The following KIF9 variants were observed in gnomAD, a reference collection of about 807,000 sequenced individuals.
KIF9 encodes the protein kinesin family member 9, also known as kinesin-like protein KIF9.
A neutral mutation model predicts 94.8 loss-of-function variants in KIF9; 68 were observed. That is an observed-to-expected ratio of 0.72 (90% CI 0.59 to 0.88). The LOEUF (loss-of-function observed/expected upper bound fraction) is 0.88. Among genes scored for constraint, KIF9 ranks in the 40% least tolerant of loss-of-function variants. KIF9 has a pLI of 0.00. For missense variants in KIF9, 882 were observed against 982.5 expected (o/e 0.90, Z 1.37); for synonymous variants, 343 against 362.1 (o/e 0.95, Z 0.60).
chr3:47,236,703 G>C (rs1319074013), intron 17 of KIF9, 84 bp from the exon 18 acceptor site: 1 of 1,261,690 alleles, frequency 7.9e-7, no homozygotes, highest in African/African-American at 1.5e-5. Flanking sequence ...GGTGGGCACA[G>C]AGCTGGCAAA....
chr3:47,232,446 G>A (rs924984591), intron 20 of KIF9, among the ~76,000 whole-genome samples: 2 of 151,540 alleles, frequency 1.3e-5, no homozygotes, highest in Admixed American at 6.6e-5. Flanking sequence ...CACCACACCC[G>A]GCTAATTTTT....
intron 1 of KIF9, 145 bp downstream of exon 1, chr3:47,282,350 C>T (rs930359325): frequency 7.1e-6 from 7 of 985,882 alleles, no homozygotes; most frequent in Non-Finnish European, 7.2e-6. Context: ...GACGTCGAGC[C>T]CTCCTTCGCC....
intron 16 of KIF9, among the ~76,000 whole-genome samples, chr3:47,242,050 C>T (rs989937651): frequency 2.6e-5 from 4 of 151,488 alleles, no homozygotes; most frequent in East Asian, 1.9e-4. Flanking sequence ...TGCTCAGCTC[C>T]CTTTTAATTT....
chr3:47,282,220 A>C (rs549947683), intron 1 of KIF9: 1 of 985,272 alleles, frequency 1.0e-6, no homozygotes, highest in South Asian at 4.7e-5. Context: ...AGTCCAGACG[A>C]CCTCTGGCTC....
rs751570519 is a variant in KIF9, at chr3:47,275,449, A to T, written c.135T>A (p.Val45=). The part of the protein sequence containing the change: ...IHLKKDIRRG[V]VNNQQTDWSF... ...ACCAGTCTGTCTGTTGGTTATTGAC[A>T]ACTCCTCTCCGAATGTCTTTTTTTA... Residue 45 remains valine (V), a synonymous_variant, in exon 3 of 21, where the codon GTT becomes GTA. Coordinates refer to ENST00000684063, the MANE Select transcript of KIF9 (RefSeq NM_182902.4). The T allele has an allele frequency of 6.2e-7, 1 of 1,612,222 alleles. No homozygotes were observed. The highest frequency in any genetic ancestry group is 2.2e-5 in the East Asian group (1 of 44,884).
chr3:47,237,552 T>C (rs938759791), intron 17 of KIF9, among the ~76,000 whole-genome samples: 26 of 152,136 alleles, frequency 1.7e-4, no homozygotes, highest in African/African-American at 6.0e-4. Flanking sequence ...ACAAAATAAT[T>C]TGGTGTGCAA....
chr3:47,239,690 C>T (rs937659617), intron 17 of KIF9: 22 of 1,169,742 alleles, frequency 1.9e-5, no homozygotes, highest in South Asian at 3.2e-5. Flanking sequence ...TGGGCTCAAG[C>T]GATTTTCATG....
intron 20 of KIF9, among the ~76,000 whole-genome samples, chr3:47,233,588 C>T (rs1490138090): frequency 2.0e-5 from 3 of 150,690 alleles, no homozygotes; most frequent in Non-Finnish European, 4.4e-5. Flanking sequence ...CCCAGCTACT[C>T]GGGAGGCTGA....
At chr3:47,253,551 G>A (rs566211758) in intron 10 of KIF9, among the ~76,000 whole-genome samples, 37 of 152,008 alleles carry the variant, frequency 2.4e-4, no homozygotes, top group East Asian at 1.9e-3. Flanking sequence ...ATCCCAAAAG[G>A]AAACCTCTGG....
chr3:47,257,560 G>T lies in KIF9; in HGVS notation c.982C>A (p.Leu328Ile). Residue 328 changes from leucine to isoleucine, a missense_variant and splice_region_variant, in exon 10 of 21, where the codon CTA (leucine) becomes ATA (isoleucine). Leu to Ile is a conservative substitution (Grantham distance 5). Transcript: ENST00000684063. ...CTGCTGGCAAATCTCAGTGAAGATA[G>T]CTGCAAAACAGAGCAGGTAGACATT... ...YGEAAQLEETLSSLRFASRMK... is the reference protein window; with the variant it reads ...YGEAAQLEETISSLRFASRMK... 6.2e-7 allele frequency: 1 copy of T among 1,613,062 alleles called. No homozygotes were observed. The highest frequency in any genetic ancestry group is 8.5e-7 in the Non-Finnish European group (1 of 1,179,870).
rs575015996 is a variant in KIF9, at chr3:47,261,946, T to C, written c.981+2340A>G. ...AAAGCAATACAATCCATGATGAGAA[T>C]AGTTTTAAAGTTTCAACACATTTGG... On this transcript the variant is annotated intron_variant, in intron 9 of 20. Transcript: ENST00000684063. Among the ~76,000 whole-genome samples, 130 of 152,322 alleles carry C rather than the reference T, an allele frequency of 8.5e-4. 1 individual carries two copies. The highest frequency in any genetic ancestry group is 2.2e-3 in the African/African-American group (93 of 41,558).
rs180916948 is a variant in KIF9 at position 47,258,741 on chromosome 3, C to T, written c.982-1181G>A. 6.2e-3 allele frequency among the ~76,000 whole-genome samples: 943 copies of T among 152,260 alleles called. 4 individuals are homozygous for T. The highest frequency in any genetic ancestry group is 0.011 in the Non-Finnish European group (748 of 68,026). ...ACCATGAGTAAAAGCTCCCTGAGGC[C>T]GCCCCCAAAGCAGATGCTGCCATGC... On this transcript the variant is annotated intron_variant, in intron 9 of 20. Coordinates refer to ENST00000684063, the MANE Select transcript of KIF9 (RefSeq NM_182902.4).
chr3:47,240,671 T>A, intron 17 of KIF9, 130 bp downstream of exon 17: 1 of 738,260 alleles, frequency 1.4e-6, no homozygotes, highest in Non-Finnish European at 2.3e-6. Context: ...GACCTATGGG[T>A]GAAGGCCACA....
intron 17 of KIF9, chr3:47,239,973 C>T: frequency 7.4e-7 from 1 of 1,350,908 alleles, no homozygotes; most frequent in Non-Finnish European, 9.9e-7. Context: ...GCCTCTGAAC[C>T]ACCTGTCCCA....
chr3:47,281,499 C>T (rs2107547358), intron 1 of KIF9, among the ~76,000 whole-genome samples: 1 of 152,298 alleles, frequency 6.6e-6, no homozygotes, highest in Middle Eastern at 3.4e-3. Context: ...AGGCGTGCAC[C>T]ACCACGCCCG....
rs114623101 is a variant in KIF9, at chr3:47,242,234, T to C, written c.1709+817A>G. On this transcript the variant is annotated intron_variant, in intron 16 of 20. Transcript: ENST00000684063. ...CATGCAGTATGTTTAATTTTACATC[T>C]TACTTTTTTCAAAAAAGCATTTCAT... 4.7e-3 allele frequency among the ~76,000 whole-genome samples: 723 copies of C among 152,308 alleles called. 8 individuals carry two copies. Among genetic ancestry groups the C allele is most frequent in the African/African-American group, 0.017 (702 of 41,558 alleles).
intron 16 of KIF9, among the ~76,000 whole-genome samples, chr3:47,242,597 T>C (rs1305654849): frequency 6.6e-6 from 1 of 152,244 alleles, no homozygotes; most frequent in Non-Finnish European, 1.5e-5. Context: ...CAAAAATGTA[T>C]ATATTTTGCT....
intron 10 of KIF9, among the ~76,000 whole-genome samples, chr3:47,254,265 C>T (rs974585183): frequency 2.0e-5 from 3 of 152,182 alleles, no homozygotes; most frequent in Non-Finnish European, 2.9e-5. Context: ...TGAGACCAGC[C>T]TGGCCAACAT....
chr3:47,271,296 T>C lies in KIF9; in HGVS notation c.532A>G (p.Lys178Glu), dbSNP rs1392889757. ...CTTGTGAGGTGAACTGACAAGCCCT[T>C]AATGAAGACTCCTTGAGGGTTTTCC... Reference protein sequence around the residue: ...IVENPQGVFIKGLSVHLTSQE... With the variant: ...IVENPQGVFIEGLSVHLTSQE... Residue 178 changes from lysine to glutamate, a missense_variant, in exon 5 of 21, where the codon AAG becomes GAG. By Grantham distance (56) the Lys-to-Glu change is moderately conservative (BLOSUM62 1). Transcript: ENST00000684063. The C allele has an allele frequency of 1.9e-6, 3 of 1,613,992 alleles. No homozygotes were observed. Among genetic ancestry groups the C allele is most frequent in the African/African-American group, 2.7e-5 (2 of 74,910 alleles).
Sources: allele counts gnomAD v4.1 joint callset (sites outside exome capture counted in the v4.1 genomes callset), GRCh38; gene constraint gnomAD v4.1.1; transcripts MANE v1.5; gene names NCBI Gene and HGNC (gene_info 2026-07-23, HGNC 2026-07-21).